Variants in MAN1A1 observed in about 807,000 individuals in gnomAD.
MAN1A1 encodes mannosidase alpha class 1A member 1, also known as mannosyl-oligosaccharide 1,2-alpha-mannosidase IA.
In MAN1A1, 29 loss-of-function variants were observed where a neutral mutation model predicts 70.8. The observed-to-expected ratio is 0.41, with a 90% confidence interval of 0.31 to 0.56. MAN1A1 has a LOEUF of 0.56. MAN1A1 is among the 20% of genes least tolerant of loss of function. The probability of loss-of-function intolerance (pLI) is 0.29; values close to 1 mark genes in which losing one functional copy is unlikely to be tolerated. For missense variants in MAN1A1, 747 were observed against 841.3 expected (o/e 0.89, Z 1.39); for synonymous variants, 349 against 330.1 (o/e 1.06, Z -0.62).
chr6:119,332,544 C>T (rs1182850865), intron 2 of MAN1A1, among the ~76,000 whole-genome samples: 2 of 152,158 alleles, frequency 1.3e-5, no homozygotes, highest in Admixed American at 6.5e-5. Context: ...TGGCCGGGCA[C>T]GGTGGCTCAC....
At chr6:119,334,069 T>A (rs1190149075) in intron 2 of MAN1A1, among the ~76,000 whole-genome samples, 1 of 152,256 alleles carries the variant, frequency 6.6e-6, no homozygotes, top group Non-Finnish European at 1.5e-5. Flanking sequence ...CTATGCTATA[T>A]CTTGGAATAT....
intron 5 of MAN1A1, among the ~76,000 whole-genome samples, chr6:119,252,437 TACA>T (rs1775343399): frequency 1.3e-5 from 2 of 152,330 alleles, no homozygotes; most frequent in African/African-American, 4.8e-5. Context: ...GGAGACAACC[TACA>T]ACATCAACAA....
At position 119,188,312 on chromosome 6, in the gene MAN1A1, T is replaced by C. The variant is rs116489253; in HGVS notation, c.1719+93A>G. 1.9e-3 allele frequency: 2,294 copies of C among 1,198,978 alleles called. 41 individuals carry two copies. In the African/African-American group the frequency reaches 0.032, roughly 17 times the overall value. The allele number at this position is 1,198,978 out of a possible 1,614,324, so 74.3% of individuals were successfully genotyped here. ...AAATCCTGGTCGAAGCATTAAAAAT[T>C]ATAGAAAAGTTGATAAGCCTGATTT... is the stretch of plus-strand genomic sequence containing the variant. On this transcript the variant is annotated intron_variant, in intron 11 of 12. Coordinates refer to ENST00000368468, the MANE Select transcript of MAN1A1 (RefSeq NM_005907.4).
rs573716911 is a variant in MAN1A1 at position 119,315,233 on chromosome 6, G to A, written c.604-8241C>T. On this transcript the variant is annotated intron_variant, in intron 2 of 12. Coordinates refer to ENST00000368468, the MANE Select transcript of MAN1A1 (RefSeq NM_005907.4). The stretch of plus-strand genomic sequence containing the variant: ...CCAATTTTAATGTACTTCTAAGTTG[G>A]CAGGAGATATATAAAGAAACAGTAA... Among the ~76,000 whole-genome samples the A allele has an allele frequency of 1.8e-3, 276 of 152,304 alleles. 1 individual carries two copies. Among genetic ancestry groups the A allele is most frequent in the African/African-American group, 6.4e-3 (265 of 41,564 alleles).
chr6:119,344,390 G>A (rs1401199182), intron 2 of MAN1A1, among the ~76,000 whole-genome samples: 1 of 152,130 alleles, frequency 6.6e-6, no homozygotes, highest in Non-Finnish European at 1.5e-5. Context: ...ACCTACTCCA[G>A]TACTTAAACT....
chr6:119,188,271 C>T, intron 11 of MAN1A1, 134 bp downstream of exon 11: 1 of 724,172 alleles, frequency 1.4e-6, no homozygotes, highest in Non-Finnish European at 2.2e-6. Context: ...TGAAAATACA[C>T]AGTCCTGGGT....
intron 6 of MAN1A1, among the ~76,000 whole-genome samples, chr6:119,224,243 T>C (rs1185178411): frequency 6.6e-6 from 1 of 152,206 alleles, no homozygotes; most frequent in Non-Finnish European, 1.5e-5. Flanking sequence ...AAAGAAAGAC[T>C]GCACTAGACA....
intron 6 of MAN1A1, among the ~76,000 whole-genome samples, chr6:119,223,068 TAAG>T (rs1383526872): frequency 6.6e-6 from 1 of 152,122 alleles, no homozygotes; most frequent in African/African-American, 2.4e-5. Context: ...AGGGAAGAAA[TAAG>T]AAACAGGAAA....
chr6:119,271,004 C>T (rs1484516993), intron 5 of MAN1A1, among the ~76,000 whole-genome samples: 1 of 152,174 alleles, frequency 6.6e-6, no homozygotes, highest in East Asian at 1.9e-4. Context: ...ACTTTCTCTT[C>T]CATAGAACAC....
intron 8 of MAN1A1, among the ~76,000 whole-genome samples, chr6:119,199,659 C>T (rs1024565587): frequency 1.3e-5 from 2 of 151,306 alleles, no homozygotes; most frequent in African/African-American, 4.9e-5. Flanking sequence ...GTAATCCCAA[C>T]ACTTTGGGAG....
At chr6:119,289,704 A>G (rs1231248801) in intron 5 of MAN1A1, among the ~76,000 whole-genome samples, 1 of 151,990 alleles carries the variant, frequency 6.6e-6, no homozygotes, top group African/African-American at 2.4e-5. Context: ...CTAAACAGAG[A>G]GGAAATGTAA....
chr6:119,326,168 C>T (rs548089075), intron 2 of MAN1A1, among the ~76,000 whole-genome samples: 1 of 152,288 alleles, frequency 6.6e-6, no homozygotes, highest in South Asian at 2.1e-4. Context: ...TGCTCTGTCT[C>T]GGCTGCTTGA....
intron 5 of MAN1A1, among the ~76,000 whole-genome samples, chr6:119,258,934 A>G (rs1414003413): frequency 6.6e-6 from 1 of 152,176 alleles, no homozygotes; most frequent in African/African-American, 2.4e-5. Flanking sequence ...CAGTTTCTAA[A>G]TAAGTGAATA....
intron 5 of MAN1A1, among the ~76,000 whole-genome samples, chr6:119,257,505 G>C (rs1446896894): frequency 1.3e-5 from 2 of 151,752 alleles, no homozygotes; most frequent in African/African-American, 4.8e-5. Context: ...ATATATGAAC[G>C]ACAACATCAA....
At chr6:119,225,178 A>G (rs1562199913) in intron 6 of MAN1A1, among the ~76,000 whole-genome samples, 1 of 152,174 alleles carries the variant, frequency 6.6e-6, no homozygotes, top group Non-Finnish European at 1.5e-5. Flanking sequence ...GAATATTCAG[A>G]AAAGATTAAA....
At chr6:119,311,628 T>G (rs1015310249) in intron 2 of MAN1A1, among the ~76,000 whole-genome samples, 4 of 151,958 alleles carry the variant, frequency 2.6e-5, no homozygotes, top group African/African-American at 7.3e-5. Context: ...TTGTACAGGG[T>G]TGCATGGGAG....
chr6:119,307,555 T>C lies in MAN1A1; in HGVS notation c.604-563A>G, dbSNP rs560396178. ...TATGCCTAGATTTTGGAAAAACTTG[T>C]TTATTTTAATGTAATCAATCTTTAA... On this transcript the variant is annotated intron_variant, in intron 2 of 12. Transcript: ENST00000368468. Among the ~76,000 whole-genome samples, 35 of 152,316 alleles carry C rather than the reference T, an allele frequency of 2.3e-4. No individual in the cohort carries two copies. In the South Asian group the frequency reaches 5.8e-3, roughly 25 times the overall value.
intron 5 of MAN1A1, among the ~76,000 whole-genome samples, chr6:119,279,466 T>C (rs1776168236): frequency 6.6e-6 from 1 of 152,202 alleles, no homozygotes; most frequent in South Asian, 2.1e-4. Flanking sequence ...GCATCATACG[T>C]TTATAAGGAT....
intron 5 of MAN1A1, among the ~76,000 whole-genome samples, chr6:119,260,296 A>G (rs1250552642): frequency 6.6e-6 from 1 of 152,220 alleles, no homozygotes; most frequent in East Asian, 1.9e-4. Context: ...ACATTTCTGT[A>G]ACATCTTTTT....
Sources: allele counts gnomAD v4.1 joint callset (sites outside exome capture counted in the v4.1 genomes callset), GRCh38; gene constraint gnomAD v4.1.1; transcripts MANE v1.5; gene names NCBI Gene and HGNC (gene_info 2026-07-23, HGNC 2026-07-21).